The following NTRK3 variants were observed in gnomAD, a reference collection of about 807,000 sequenced individuals.
NTRK3 encodes NT-3 growth factor receptor.
A neutral mutation model predicts 91.7 loss-of-function variants in NTRK3; 24 were observed. The observed-to-expected ratio is 0.26, with a 90% confidence interval of 0.19 to 0.37. NTRK3 has a LOEUF of 0.37. NTRK3 is among the 10% of genes least tolerant of loss of function. NTRK3 has a pLI of 1.00. For missense variants in NTRK3, 880 were observed against 1,068.9 expected (o/e 0.82, Z 2.46); for synonymous variants, 483 against 404.0 (o/e 1.20, Z -2.34).
At chr15:87,889,460 A>G (rs1042530934) in intron 17 of NTRK3, among the ~76,000 whole-genome samples, 1 of 129,758 alleles carries the variant, frequency 7.7e-6, no homozygotes, top group Non-Finnish European at 1.5e-5. Flanking sequence ...GCTGGAGTGC[A>G]GTGGCAGGAT....
At position 87,914,458 on chromosome 15, in the gene NTRK3, C is replaced by A. The variant is rs148264647; in HGVS notation, c.2133+14733G>T. The stretch of plus-strand genomic sequence containing the variant: ...ACCACTGGTGCCCAGTGAGTGGGAA[C>A]CAATGAGGATTCATGTAAGAAGATT... On this transcript the variant is annotated intron_variant, in intron 17 of 18. Coordinates refer to ENST00000394480, the Ensembl canonical transcript of NTRK3. Among the ~76,000 whole-genome samples, 912 of 152,212 alleles carry A rather than the reference C, an allele frequency of 6.0e-3. 12 individuals are homozygous for A. The highest frequency in any genetic ancestry group is 0.02 in the African/African-American group (810 of 41,524).
At chr15:87,886,782 A>G in intron 17 of NTRK3, among the ~76,000 whole-genome samples, 1 of 148,632 alleles carries the variant, frequency 6.7e-6, no homozygotes, top group East Asian at 1.9e-4. Context: ...GCTGTTTGAA[A>G]TTTTGTGATA....
At chr15:87,969,416 AATG>A (rs2073075486) in intron 14 of NTRK3, among the ~76,000 whole-genome samples, 1 of 152,226 alleles carries the variant, frequency 6.6e-6, no homozygotes, top group African/African-American at 2.4e-5. Flanking sequence ...TGATTAAAAT[AATG>A]ATAATAGCAA....
At chr15:87,910,777 A>T (rs1350882394) in intron 17 of NTRK3, among the ~76,000 whole-genome samples, 1 of 152,228 alleles carries the variant, frequency 6.6e-6, no homozygotes, top group Non-Finnish European at 1.5e-5. Context: ...GAGGCATTCA[A>T]CAAGAATACT....
intron 14 of NTRK3, among the ~76,000 whole-genome samples, chr15:87,951,104 G>A (rs770013906): frequency 1.3e-5 from 2 of 152,156 alleles, no homozygotes; most frequent in Non-Finnish European, 2.9e-5. Flanking sequence ...ATGTGAGCTC[G>A]TGCTGTGCAT....
intron 5 of NTRK3, among the ~76,000 whole-genome samples, chr15:88,173,330 T>C (rs2045700839): frequency 6.6e-6 from 1 of 152,132 alleles, no homozygotes; most frequent in African/African-American, 2.4e-5. Context: ...TCCCCTTCTT[T>C]CCCATTCTAT....
rs540939662 is a variant in NTRK3 at position 88,235,276 on chromosome 15, G to A, written c.248+20630C>T. On this transcript the variant is annotated intron_variant, in intron 3 of 18. Transcript: ENST00000394480. This position sits in a 1 kb window ranked among gnomAD's most constrained non-coding sequence, Gnocchi z 5.2. ...AGAATCACCAACATGAATGAGTAAG[G>A]CCTGTGTCGCTGTCTACCCTACCCA... 2.0e-4 allele frequency among the ~76,000 whole-genome samples: 30 copies of A among 152,292 alleles called. No individual in the cohort carries two copies. The highest frequency in any genetic ancestry group is 7.2e-4 in the African/African-American group (30 of 41,546).
chr15:87,946,353 G>A (rs937435391), intron 14 of NTRK3: 1 of 152,204 alleles, frequency 6.6e-6, no homozygotes, highest in Non-Finnish European at 1.5e-5. Flanking sequence ...ATTTCCCAGG[G>A]TCGGTGGTTA....
chr15:88,041,215 C>T (rs2079574738), intron 13 of NTRK3, among the ~76,000 whole-genome samples: 1 of 152,220 alleles, frequency 6.6e-6, no homozygotes, highest in Admixed American at 6.5e-5. Context: ...CATAAAATAG[C>T]TCTGGGCTGA....
At chr15:87,893,106 C>G (rs570355616) in intron 17 of NTRK3, among the ~76,000 whole-genome samples, 1 of 152,270 alleles carries the variant, frequency 6.6e-6, no homozygotes, top group Admixed American at 6.5e-5. Flanking sequence ...GGAGCATAAA[C>G]ATTTCAAGAC....
chr15:88,160,100 AAG>A (rs1487295416), intron 5 of NTRK3, among the ~76,000 whole-genome samples: 1 of 152,136 alleles, frequency 6.6e-6, no homozygotes, highest in Non-Finnish European at 1.5e-5. Flanking sequence ...ATGGTCCCAA[AAG>A]AGAGCAGAGG....
At chr15:88,084,435 C>T (rs556828015) in intron 13 of NTRK3, among the ~76,000 whole-genome samples, 175 of 152,328 alleles carry the variant, frequency 1.1e-3, no homozygotes, top group Non-Finnish European at 1.8e-3. Context: ...GGAGAGGAGG[C>T]AAGCCAGGAG....
intron 14 of NTRK3, among the ~76,000 whole-genome samples, chr15:88,024,916 G>A (rs541239208): frequency 6.6e-5 from 10 of 152,354 alleles, no homozygotes; most frequent in East Asian, 3.9e-4. Context: ...GTCTTTGACC[G>A]ATGACAGCTT....
chr15:88,016,822 C>A (rs2077264117), intron 14 of NTRK3, among the ~76,000 whole-genome samples: 1 of 151,528 alleles, frequency 6.6e-6, no homozygotes, highest in South Asian at 2.1e-4. Flanking sequence ...TCTTTTCTTC[C>A]AGGTTTTGTT....
At chr15:88,109,544 T>C (rs945722578) in intron 13 of NTRK3, among the ~76,000 whole-genome samples, 1 of 152,066 alleles carries the variant, frequency 6.6e-6, no homozygotes, top group Non-Finnish European at 1.5e-5. Context: ...GGGAGCCCAA[T>C]AAAGAGAGCT....
chr15:88,248,417 G>T (rs1020644038), intron 3 of NTRK3, among the ~76,000 whole-genome samples: 4 of 152,164 alleles, frequency 2.6e-5, no homozygotes, highest in Non-Finnish European at 5.9e-5. Flanking sequence ...CCCAGCCAGG[G>T]TAACTCCCAC....
intron 13 of NTRK3, chr15:88,072,341 G>A (rs1403070019): frequency 5.2e-6 from 1 of 194,100 alleles, no homozygotes; most frequent in Non-Finnish European, 1.1e-5. Context: ...GGGGCTCTCG[G>A]GAGTCCCAGA....
chr15:88,207,705 G>A (rs762766844), intron 3 of NTRK3, among the ~76,000 whole-genome samples: 40 of 148,510 alleles, frequency 2.7e-4, no homozygotes, highest in Non-Finnish European at 5.4e-4. Flanking sequence ...CCCAGATAAG[G>A]CTATTTTCCC....
At chr15:88,178,794 G>GAACTA (rs2046217805) in intron 5 of NTRK3, among the ~76,000 whole-genome samples, 1 of 152,210 alleles carries the variant, frequency 6.6e-6, no homozygotes, top group African/African-American at 2.4e-5. Context: ...ATAGAAAGAG[G>GAACTA]AACTAAACAG....
Sources: allele counts gnomAD v4.1 joint callset (sites outside exome capture counted in the v4.1 genomes callset), GRCh38; gene constraint gnomAD v4.1.1; non-coding constraint Gnocchi (gnomAD v3.1); transcripts MANE v1.5; gene names NCBI Gene and HGNC (gene_info 2026-07-23, HGNC 2026-07-21).